The following SLC35F3 variants were observed in gnomAD, a reference collection of about 807,000 sequenced individuals.
The protein encoded by SLC35F3 is putative thiamine transporter SLC35F3.
Under a neutral mutation model 49.9 loss-of-function variants are expected in SLC35F3, and 25 were observed. The observed-to-expected ratio is 0.50, with a 90% CI of 0.37 to 0.70. The LOEUF (loss-of-function observed/expected upper bound fraction) is 0.70. Ranked by LOEUF, SLC35F3 falls within the 30% of genes least tolerant of loss-of-function variation. The probability of loss-of-function intolerance (pLI) is 0.00; values close to 1 mark genes in which losing one functional copy is unlikely to be tolerated. For missense variants in SLC35F3, 525 were observed against 639.8 expected (o/e 0.82, Z 1.94); for synonymous variants, 275 against 265.4 (o/e 1.04, Z -0.35).
chr1:234,081,904 ATT>A (rs781469880), intron 2 of SLC35F3, among the ~76,000 whole-genome samples: 448 of 39,162 alleles, frequency 0.011, 3 homozygotes, highest in African/African-American at 0.049. Context: ...TGCCTGGCTA[ATT>A]TTTTTTTTTT....
chr1:234,231,455 G>A lies in SLC35F3; in HGVS notation c.322G>A (p.Ala108Thr), dbSNP rs1253253342. ...CCGGGACTCCCCGGGCCCGGCGGAG[G>A]CCCAGGCACCGGCCGGGGTGGAGGC... ...RPRDSPGPAE[A>T]QAPAGVEAGG... Residue 108 changes from alanine (A) to threonine (T), a missense_variant, in exon 3 of 8, where the codon GCC becomes ACC. Physicochemically the swap from Ala to Thr is moderately conservative, Grantham distance 58 (BLOSUM62 0). Transcript: ENST00000366618. This position sits in a 1 kb window ranked among gnomAD's most constrained non-coding sequence, Gnocchi z 5.4. 1.2e-6 allele frequency: 2 copies of A among 1,608,460 alleles called. No individual in the cohort carries two copies. The highest frequency in any genetic ancestry group is 1.3e-5 in the African/African-American group (1 of 74,882).
chr1:233,999,658 C>G (rs1397712964), intron 2 of SLC35F3, among the ~76,000 whole-genome samples: 3 of 152,118 alleles, frequency 2.0e-5, no homozygotes, highest in African/African-American at 7.2e-5. Flanking sequence ...GAGACTCTAT[C>G]CCCCAGTGTC....
At chr1:234,259,397 T>C (rs1260781645) in intron 3 of SLC35F3, among the ~76,000 whole-genome samples, 1 of 152,172 alleles carries the variant, frequency 6.6e-6, no homozygotes, top group Non-Finnish European at 1.5e-5. Flanking sequence ...TTTTATTCAA[T>C]CCAGACGGCC....
chr1:234,010,716 A>G (rs932263640), intron 2 of SLC35F3, among the ~76,000 whole-genome samples: 9 of 152,158 alleles, frequency 5.9e-5, no homozygotes, highest in Admixed American at 5.9e-4. Context: ...TTTGCTTTGT[A>G]TATTTAGGTG....
intron 2 of SLC35F3, among the ~76,000 whole-genome samples, chr1:234,142,192 C>T (rs566301302): frequency 1.2e-4 from 19 of 152,326 alleles, no homozygotes; most frequent in African/African-American, 3.4e-4. Flanking sequence ...AACATGACAT[C>T]GCACTTAACA....
intron 3 of SLC35F3, among the ~76,000 whole-genome samples, chr1:234,278,702 G>A (rs536623121): frequency 1.2e-4 from 18 of 152,250 alleles, no homozygotes; most frequent in African/African-American, 4.1e-4. Context: ...CAAGGTGCTA[G>A]CAGATCCAGT....
chr1:234,231,717 A>G lies in SLC35F3; in HGVS notation c.584A>G (p.Lys195Arg), dbSNP rs925708873. Residue 195 changes from lysine (K) to arginine (R), a missense_variant, in exon 3 of 8, where the codon AAG (lysine) becomes AGG (arginine). This residue lies in a region of SLC35F3 where 216 missense variants were observed against 298.1 expected (regional missense o/e 0.72). Coordinates refer to ENST00000366618, the MANE Select transcript of SLC35F3 (RefSeq NM_173508.4). This position sits in a 1 kb window ranked among gnomAD's most constrained non-coding sequence, Gnocchi z 5.4. Reference sequence around the variant, plus strand: ...GGGCACGTCTGCAAGTCCACAGAGAAGCAGTCTGTGAAGCAGCGATACAGG... The same window carrying G: ...GGGCACGTCTGCAAGTCCACAGAGAGGCAGTCTGTGAAGCAGCGATACAGG... ...YVGHVCKSTE[K>R]QSVKQRYREC... 3.1e-6 allele frequency: 5 copies of G among 1,612,518 alleles called. No individual in the cohort carries two copies. Among genetic ancestry groups the G allele is most frequent in the Non-Finnish European group, 4.2e-6 (5 of 1,178,950 alleles).
chr1:234,288,602 GAA>G (rs1210168058), intron 3 of SLC35F3, among the ~76,000 whole-genome samples: 2 of 152,196 alleles, frequency 1.3e-5, no homozygotes, highest in African/African-American at 4.8e-5. Context: ...TGGCAAGAAA[GAA>G]AAGATAATCA....
chr1:233,999,097 C>CTGT (rs1218096673), intron 2 of SLC35F3, among the ~76,000 whole-genome samples: 12 of 152,168 alleles, frequency 7.9e-5, no homozygotes, highest in African/African-American at 2.9e-4. Flanking sequence ...CTGGATATGA[C>CTGT]TGTCAGTTCC....
chr1:234,142,601 G>A (rs1665934197), intron 2 of SLC35F3, among the ~76,000 whole-genome samples: 1 of 152,164 alleles, frequency 6.6e-6, no homozygotes, highest in Non-Finnish European at 1.5e-5. Flanking sequence ...GTGAAAAACA[G>A]TTTGGTATTG....
At chr1:234,270,772 G>A (rs1303785126) in intron 3 of SLC35F3, among the ~76,000 whole-genome samples, 4 of 152,202 alleles carry the variant, frequency 2.6e-5, no homozygotes, top group Admixed American at 1.3e-4. Context: ...AAGGATGTTC[G>A]TGTAACAACT....
chr1:234,001,248 C>A (rs1663549698), intron 2 of SLC35F3, among the ~76,000 whole-genome samples: 1 of 152,154 alleles, frequency 6.6e-6, no homozygotes, highest in Non-Finnish European at 1.5e-5. Flanking sequence ...CTTAAATTAA[C>A]ATGTGGACTT....
chr1:233,905,696 A>G lies in SLC35F3; in HGVS notation c.221A>G (p.Glu74Gly). The change falls in exon 2 of 8, where the codon GAG becomes GGG. Residue 74 changes from glutamate (E) to glycine (G), a missense_variant. Coordinates refer to ENST00000366618, the MANE Select transcript of SLC35F3 (RefSeq NM_173508.4). ...TSGPVGLTSI[E>G]ERILRITGYY... is the part of the protein sequence containing the mutation. ...GGGCCGGTGGGGCTCACGTCCATCG[A>G]GGAGCGGATCCTGCGCATCACTGGC... is the stretch of plus-strand genomic sequence containing the variant. 6.2e-7 allele frequency: 1 copy of G among 1,614,198 alleles called. No homozygotes were observed. The highest frequency in any genetic ancestry group is 8.5e-7 in the Non-Finnish European group (1 of 1,180,040).
chr1:234,303,861 T>C (rs1668729859), intron 3 of SLC35F3, among the ~76,000 whole-genome samples: 1 of 152,210 alleles, frequency 6.6e-6, no homozygotes, highest in Admixed American at 6.5e-5. Context: ...CCTTACATTA[T>C]GAAGATTCAT....
At chr1:234,310,322 G>T (rs1322259108) in intron 4 of SLC35F3, among the ~76,000 whole-genome samples, 2 of 152,132 alleles carry the variant, frequency 1.3e-5, no homozygotes, top group Non-Finnish European at 2.9e-5. Context: ...CTCTACTTCC[G>T]TCCTTCCCTC....
chr1:234,264,171 A>C (rs1425381343), intron 3 of SLC35F3, among the ~76,000 whole-genome samples: 2 of 152,188 alleles, frequency 1.3e-5, no homozygotes, highest in Non-Finnish European at 2.9e-5. Flanking sequence ...AAATATTAGC[A>C]ATACAAATAA....
At chr1:234,177,477 G>A (rs375602759) in intron 2 of SLC35F3, among the ~76,000 whole-genome samples, 102 of 152,290 alleles carry the variant, frequency 6.7e-4, no homozygotes, top group African/African-American at 2.2e-3. Context: ...CAGAAAGGGG[G>A]AAAACAGCAT....
intron 2 of SLC35F3, among the ~76,000 whole-genome samples, chr1:233,936,977 C>T (rs1662344594): frequency 6.6e-6 from 1 of 152,196 alleles, no homozygotes; most frequent in Non-Finnish European, 1.5e-5. Flanking sequence ...CAGGCGTGAC[C>T]ACTGCATCTG....
At chr1:234,278,214 G>C (rs1199791810) in intron 3 of SLC35F3, among the ~76,000 whole-genome samples, 1 of 151,892 alleles carries the variant, frequency 6.6e-6, no homozygotes, top group East Asian at 1.9e-4. Flanking sequence ...AAAAGGGCCG[G>C]GTGCGGTGGC....
Sources: allele counts gnomAD v4.1 joint callset (sites outside exome capture counted in the v4.1 genomes callset), GRCh38; gene constraint gnomAD v4.1.1; regional missense constraint gnomAD v4.1.1; non-coding constraint Gnocchi (gnomAD v3.1); transcripts MANE v1.5; gene names NCBI Gene and HGNC (gene_info 2026-07-23, HGNC 2026-07-21).